The following ARHGAP35 variants were observed in gnomAD, a reference collection of about 807,000 sequenced individuals.
ARHGAP35 encodes the protein Rho GTPase activating protein 35.
A neutral mutation model predicts 111.1 loss-of-function variants in ARHGAP35; 15 were observed. The observed-to-expected ratio is 0.13, with a 90% CI of 0.09 to 0.21. The LOEUF (loss-of-function observed/expected upper bound fraction) is 0.21, where lower values mean the gene tolerates loss of function less well. ARHGAP35 is among the 10% of genes least tolerant of loss of function. The pLI is 1.00. For missense variants in ARHGAP35, 1,262 were observed against 1,873.0 expected, an observed-to-expected ratio of 0.67 and a Z score of 6.02; for synonymous variants, 643 against 710.3, an observed-to-expected ratio of 0.91 and a Z score of 1.51.
chr19:46,868,442 G>T (rs2055869942), intron 1 of ARHGAP35, among the ~76,000 whole-genome samples: 1 of 152,174 alleles, frequency 6.6e-6, no homozygotes, highest in Non-Finnish European at 1.5e-5. Flanking sequence ...GGCTCCTTGG[G>T]ATGTGATCCT....
intron 3 of ARHGAP35, chr19:46,947,019 A>G (rs985658034): frequency 6.6e-6 from 1 of 152,226 alleles, no homozygotes; most frequent in Non-Finnish European, 1.5e-5. Context: ...TGATGGACAC[A>G]TAATCAGGTC....
chr19:46,971,397 C>T (rs1599856252), intron 3 of ARHGAP35, among the ~76,000 whole-genome samples: 1 of 152,040 alleles, frequency 6.6e-6, no homozygotes, highest in East Asian at 1.9e-4. Context: ...CAGAGCCAGA[C>T]TCCATCTCAC....
At chr19:46,878,476 G>A (rs2055939032) in intron 1 of ARHGAP35, among the ~76,000 whole-genome samples, 3 of 151,848 alleles carry the variant, frequency 2.0e-5, no homozygotes, top group Non-Finnish European at 2.9e-5. Flanking sequence ...ACACTACCAC[G>A]CTTGGCTAAT....
intron 3 of ARHGAP35, among the ~76,000 whole-genome samples, chr19:46,980,846 T>C (rs893163288): frequency 6.6e-6 from 1 of 152,232 alleles, no homozygotes; most frequent in African/African-American, 2.4e-5. Flanking sequence ...ATCATTAGGA[T>C]AATAGCTACT....
intron 2 of ARHGAP35, among the ~76,000 whole-genome samples, chr19:46,927,983 A>G (rs182336560): frequency 6.6e-6 from 1 of 152,276 alleles, no homozygotes; most frequent in East Asian, 1.9e-4. Flanking sequence ...GAAAAAATCC[A>G]TTTCTCCTCA....
rs1366845059 is a variant in ARHGAP35 at position 47,001,509 on chromosome 19, G to A, written c.*821G>A. 1.1e-5 allele frequency: 10 copies of A among 892,808 alleles called. No individual in the cohort carries two copies. The highest frequency in any genetic ancestry group is 8.8e-5 in the African/African-American group (5 of 56,966). The allele number at this position is 892,808 out of a possible 1,614,324, so 55.3% of individuals were successfully genotyped here. ...AGGCACACAGGTGGAGCTGACCCTC[G>A]TCTTTGTGGCAGCAAAACCAGGATG... is the stretch of plus-strand genomic sequence containing the variant. On this transcript the variant is annotated 3_prime_UTR_variant, in exon 7 of 7. Coordinates refer to ENST00000672722, the MANE Select transcript of ARHGAP35 (RefSeq NM_004491.5). The surrounding 1 kb of genome is among the most constrained non-coding windows in gnomAD (Gnocchi z 5.4).
At chr19:46,935,197 G>C (rs907131229) in intron 2 of ARHGAP35, among the ~76,000 whole-genome samples, 1 of 152,194 alleles carries the variant, frequency 6.6e-6, no homozygotes. Flanking sequence ...ACTTTATGAG[G>C]AGCAGGTATC....
intron 3 of ARHGAP35, among the ~76,000 whole-genome samples, chr19:46,966,453 G>A (rs1359222220): frequency 1.3e-5 from 2 of 152,178 alleles, no homozygotes. Context: ...GGAGACTGAG[G>A]CAGGAGAATC....
intron 3 of ARHGAP35, among the ~76,000 whole-genome samples, chr19:46,972,631 A>C (rs1044252777): frequency 6.6e-6 from 1 of 152,168 alleles, no homozygotes; most frequent in Non-Finnish European, 1.5e-5. Flanking sequence ...AATGAAGACA[A>C]AAGTAGCTTC....
intron 2 of ARHGAP35, among the ~76,000 whole-genome samples, chr19:46,923,348 T>C (rs1483977898): frequency 6.6e-6 from 1 of 151,942 alleles, no homozygotes; most frequent in Non-Finnish European, 1.5e-5. Context: ...TCTCCTGACA[T>C]CGTGATCCGC....
At position 46,999,427 on chromosome 19, in the gene ARHGAP35, C is replaced by T. The variant is rs780852433; in HGVS notation, c.4142+18C>T. ...CTAAACAAGTAAGTCGCAGGGCCTT[C>T]TGGTTGGTTTTTCCTCCTGAAAATT... On this transcript the variant is annotated intron_variant, in intron 6 of 6. Coordinates refer to ENST00000672722, the MANE Select transcript of ARHGAP35 (RefSeq NM_004491.5). The surrounding 1 kb of genome is among the most constrained non-coding windows in gnomAD (Gnocchi z 5.4). The T allele has an allele frequency of 1.3e-6, 2 of 1,529,324 alleles. No individual in the cohort carries two copies. Among genetic ancestry groups the T allele is most frequent in the Non-Finnish European group, 1.8e-6 (2 of 1,123,986 alleles). 94.7% of individuals were successfully genotyped at this position (1,529,324 alleles called of 1,614,324 possible).
chr19:46,902,030 C>G (rs1278239633), intron 1 of ARHGAP35, among the ~76,000 whole-genome samples: 2 of 152,214 alleles, frequency 1.3e-5, no homozygotes, highest in Non-Finnish European at 2.9e-5. Context: ...TTCTGAATCA[C>G]TTGTTGGCAC....
At chr19:46,958,168 G>GGTCA (rs371669910) in intron 3 of ARHGAP35, among the ~76,000 whole-genome samples, 11 of 152,314 alleles carry the variant, frequency 7.2e-5, no homozygotes, top group African/African-American at 1.7e-4. Context: ...CGGATCACGA[G>GGTCA]GTCAGGAGAT....
intron 1 of ARHGAP35, among the ~76,000 whole-genome samples, chr19:46,913,393 C>T (rs2122184631): frequency 6.6e-6 from 1 of 151,804 alleles, no homozygotes; most frequent in South Asian, 2.1e-4. Flanking sequence ...CTAGGTCCTA[C>T]AAAAATGTGT....
chr19:46,967,862 C>T (rs2056524195), intron 3 of ARHGAP35, among the ~76,000 whole-genome samples: 1 of 151,402 alleles, frequency 6.6e-6, no homozygotes, highest in South Asian at 2.1e-4. Context: ...CTGATCTGCT[C>T]TGTGAGCCAG....
Position 46,919,763 on chromosome 19 carries a change from G to T in ARHGAP35, c.1088G>T (p.Cys363Phe), listed in dbSNP as rs377243118. 6.2e-7 allele frequency: 1 copy of T among 1,613,992 alleles called. No homozygotes were observed. Among genetic ancestry groups the T allele is most frequent in the Non-Finnish European group, 8.5e-7 (1 of 1,179,894 alleles). Residue 363 changes from cysteine (C) to phenylalanine (F), a missense_variant, in exon 2 of 7, where the codon TGC (cysteine) becomes TTC (phenylalanine). Cys to Phe is a radical substitution (Grantham distance 205). This residue lies in a region of ARHGAP35 where 328 missense variants were observed against 440.8 expected (regional missense o/e 0.74). Coordinates refer to ENST00000672722, the MANE Select transcript of ARHGAP35 (RefSeq NM_004491.5). The surrounding 1 kb of genome is among the most constrained non-coding windows in gnomAD (Gnocchi z 6.2). ...PNLDEIDHLS[C>F]IKAKKLLETK... The stretch of plus-strand genomic sequence containing the variant: ...CTAGATGAAATAGACCACCTAAGCT[G>T]CATAAAAGCCAAAAAGCTCTTAGAA...
intron 1 of ARHGAP35, among the ~76,000 whole-genome samples, chr19:46,883,841 G>GC (rs1954591871): frequency 6.6e-6 from 1 of 152,146 alleles, no homozygotes; most frequent in Non-Finnish European, 1.5e-5. Context: ...GATTGCCTGA[G>GC]CTCAGGAGTT....
At position 46,975,122 on chromosome 19, in the gene ARHGAP35, G is replaced by A. The variant is rs138850666; in HGVS notation, c.3827-12867G>A. ...CCTGACCTCGTGATCGGCCTGCCTCGGCCTCCCAAAGTGCTGAGATTACAG... is the reference window on the plus strand; with the variant it reads ...CCTGACCTCGTGATCGGCCTGCCTCAGCCTCCCAAAGTGCTGAGATTACAG... On this transcript the variant is annotated intron_variant, in intron 3 of 6. Transcript: ENST00000672722. Among the ~76,000 whole-genome samples the A allele has an allele frequency of 9.2e-3, 1,397 of 152,112 alleles. 26 individuals are homozygous for A. The highest frequency in any genetic ancestry group is 0.032 in the African/African-American group (1,325 of 41,466).
chr19:46,985,000 A>G (rs1010311519), intron 3 of ARHGAP35, among the ~76,000 whole-genome samples: 3 of 152,172 alleles, frequency 2.0e-5, no homozygotes, highest in African/African-American at 7.2e-5. Flanking sequence ...GAACGGTGAC[A>G]TTGCTGCATT....
Sources: allele counts gnomAD v4.1 joint callset (sites outside exome capture counted in the v4.1 genomes callset), GRCh38; gene constraint gnomAD v4.1.1; regional missense constraint gnomAD v4.1.1; non-coding constraint Gnocchi (gnomAD v3.1); transcripts MANE v1.5; gene names NCBI Gene and HGNC (gene_info 2026-07-23, HGNC 2026-07-21).